The following LRTM3 variants were observed in gnomAD, a reference collection of about 807,000 sequenced individuals.
LRTM3 encodes the protein leucine-rich repeat transmembrane protein 3.
the LRTM3 span, chr13:102,749,239 T>A: frequency 8.4e-6 from 13 of 1,550,462 alleles, no homozygotes; most frequent in Non-Finnish European, 1.1e-5. Context: ...TAAGACTGAG[T>A]TTGCTTTTAC....
chr13:102,732,338 C>A, the LRTM3 span: 1 of 1,551,380 alleles, frequency 6.4e-7, no homozygotes, highest in Non-Finnish European at 8.7e-7. Context: ...TAATTTCTTT[C>A]TATTGCTTGG....
the LRTM3 span, chr13:102,740,260 T>C: frequency 1.3e-6 from 2 of 1,549,918 alleles, no homozygotes; most frequent in Non-Finnish European, 1.7e-6. Flanking sequence ...TTTTATGGTA[T>C]GATCCTAAAG....
the LRTM3 span, chr13:102,735,445 C>G: frequency 6.4e-7 from 1 of 1,551,226 alleles, no homozygotes; most frequent in Admixed American, 2.0e-5. Context: ...TTGTATCAAA[C>G]TTAAGATATG....
At chr13:102,734,101 GT>G in the LRTM3 span, 1 of 1,551,402 alleles carries the variant, frequency 6.4e-7, no homozygotes, top group Non-Finnish European at 8.7e-7. Flanking sequence ...TCTCCAGTTT[GT>G]TAATATTCAA....
chr13:102,736,160 AG>A, the LRTM3 span: 1 of 1,545,744 alleles, frequency 6.5e-7, no homozygotes, highest in South Asian at 1.2e-5. Flanking sequence ...TGATATAGGA[AG>A]CTTTGGTTGT....
the LRTM3 span, chr13:102,737,657 G>T: frequency 1.9e-6 from 3 of 1,550,130 alleles, no homozygotes; most frequent in East Asian, 7.4e-5. Context: ...GTCTTTCTCA[G>T]CTGATATTTT....
chr13:102,729,645 C>CA, the LRTM3 span: 182 of 1,533,238 alleles, frequency 1.2e-4, no homozygotes, highest in South Asian at 3.5e-4. Flanking sequence ...GGTACACAGG[C>CA]AAAAAAAAAG....
the LRTM3 span, chr13:102,740,967 A>G: frequency 6.5e-7 from 1 of 1,550,166 alleles, no homozygotes. Flanking sequence ...ATTCCTTCTG[A>G]ACATGGAGGT....
chr13:102,747,209 CTG>C, the LRTM3 span: 3 of 1,550,644 alleles, frequency 1.9e-6, no homozygotes, highest in Non-Finnish European at 1.7e-6. Flanking sequence ...CTTGATATGA[CTG>C]TGATTCTCTG....
chr13:102,747,087 C>A, the LRTM3 span: 1 of 1,550,938 alleles, frequency 6.4e-7, no homozygotes, highest in South Asian at 1.2e-5. Context: ...TCTTTGACGC[C>A]TTTTACTTCA....
the LRTM3 span, chr13:102,729,847 T>C: frequency 6.4e-7 from 1 of 1,551,900 alleles, no homozygotes; most frequent in South Asian, 1.2e-5. Flanking sequence ...TCTTCCTAAA[T>C]AAATCAGATC....
At chr13:102,732,473 C>T in the LRTM3 span, 32 of 1,550,870 alleles carry the variant, frequency 2.1e-5, no homozygotes, top group Admixed American at 2.9e-4. Context: ...CTGATCTTTA[C>T]GTTTGGGAGA....
chr13:102,744,414 T>A, the LRTM3 span: 4 of 1,549,776 alleles, frequency 2.6e-6, no homozygotes, highest in South Asian at 4.8e-5. Flanking sequence ...TCCCAAGGGG[T>A]ATCACGTGGT....
chr13:102,742,288 C>G, the LRTM3 span: 25 of 1,550,084 alleles, frequency 1.6e-5, no homozygotes, highest in Non-Finnish European at 1.9e-5. Context: ...TCAATTTTAT[C>G]TGTTTGGTAT....
the LRTM3 span, among the ~76,000 whole-genome samples, chr13:102,753,000 GA>G: frequency 1.3e-5 from 2 of 152,072 alleles, no homozygotes; most frequent in Admixed American, 6.6e-5. Context: ...CATATACAGA[GA>G]AAAGAGCATG....
At chr13:102,755,944 TATATATATATATATATA>T in the LRTM3 span, among the ~76,000 whole-genome samples, 1 of 37,646 alleles carries the variant, frequency 2.7e-5, no homozygotes, top group African/African-American at 7.5e-5. Context: ...TATATATACA[TATATATATATATATATA>T]TTTTTTTTTT....
the LRTM3 span, chr13:102,745,190 A>C: frequency 6.4e-7 from 1 of 1,550,900 alleles, no homozygotes; most frequent in Non-Finnish European, 8.7e-7. Context: ...ACCTGAACGG[A>C]ACATGAAATG....
chr13:102,743,106 A>T, the LRTM3 span: 1 of 1,550,352 alleles, frequency 6.5e-7, no homozygotes. Flanking sequence ...TTTGCCATGA[A>T]GTTTTCTGCA....
At chr13:102,729,971 C>T in the LRTM3 span, 2 of 1,551,820 alleles carry the variant, frequency 1.3e-6, no homozygotes, top group Non-Finnish European at 1.7e-6. Context: ...ACTTGTTCTG[C>T]TCTTGGTAGT....
Sources: gnomAD v4.1 joint callset for allele counts (sites outside exome capture counted in the v4.1 genomes callset) on GRCh38, gnomAD v4.1.1 for gene constraint, MANE v1.5 for transcripts, NCBI Gene and HGNC (gene_info 2026-07-23, HGNC 2026-07-21) for gene names.